VAV3: variants seen among roughly 807,000 people sequenced by gnomAD.
VAV3 encodes guanine nucleotide exchange factor VAV3.
VAV3 carries 94 observed loss-of-function variants against 131.2 expected under a neutral mutation model. The ratio of observed to expected loss-of-function variants is 0.72; its 90% CI spans 0.61 to 0.85. VAV3 has a LOEUF of 0.85. VAV3 is among the 40% of genes least tolerant of loss of function. The pLI, the probability that VAV3 is intolerant of heterozygous loss-of-function variation, is 0.00. For missense variants in VAV3, 939 were observed against 1,002.7 expected (o/e 0.94, Z 0.86); for synonymous variants, 349 against 342.0 (o/e 1.02, Z -0.22).
At chr1:107,609,222 A>G (rs1205411908) in intron 22 of VAV3, among the ~76,000 whole-genome samples, 1 of 152,242 alleles carries the variant, frequency 6.6e-6, no homozygotes. Context: ...TCATGACTAT[A>G]CTAAATCCTA....
Position 107,595,094 on chromosome 1 carries a change from T to C in VAV3, c.2350+1118A>G, listed in dbSNP as rs539107651. Among the ~76,000 whole-genome samples, 4 of 152,270 alleles carry C rather than the reference T, an allele frequency of 2.6e-5. No individual in the cohort carries two copies. The East Asian group carries it at 7.7e-4, about 29-fold the overall frequency. On this transcript the variant is annotated intron_variant, in intron 25 of 26. Coordinates refer to ENST00000370056, the MANE Select transcript of VAV3 (RefSeq NM_006113.5). The stretch of plus-strand genomic sequence containing the variant: ...ATGCCTATTTGAGAATCTAAAATAA[T>C]CAGGTAATCTTGGGCTAAAAAATAA...
chr1:107,839,401 CTG>C (rs1316420420), intron 2 of VAV3, among the ~76,000 whole-genome samples: 1 of 152,032 alleles, frequency 6.6e-6, no homozygotes, highest in Non-Finnish European at 1.5e-5. Context: ...GTCTAGATAT[CTG>C]TTAATTAAAG....
At chr1:107,788,290 AG>A (rs1272998898) in intron 2 of VAV3, among the ~76,000 whole-genome samples, 1 of 152,000 alleles carries the variant, frequency 6.6e-6, no homozygotes, top group Admixed American at 6.6e-5. Context: ...GCAGAGTGCC[AG>A]TTACTTAGCA....
At chr1:107,590,536 C>T (rs1650866688) in intron 25 of VAV3, among the ~76,000 whole-genome samples, 1 of 152,198 alleles carries the variant, frequency 6.6e-6, no homozygotes, top group Admixed American at 6.6e-5. Flanking sequence ...ATTCTACCTT[C>T]AATCCAGACC....
At chr1:107,928,635 G>C (rs1051043264) in intron 1 of VAV3, among the ~76,000 whole-genome samples, 1 of 152,198 alleles carries the variant, frequency 6.6e-6, no homozygotes, top group South Asian at 2.1e-4. Flanking sequence ...GAATGCAACA[G>C]TCTTTATCAG....
intron 2 of VAV3, among the ~76,000 whole-genome samples, chr1:107,860,561 G>A (rs79970591): frequency 0.016 from 2,372 of 151,620 alleles, 69 homozygotes; most frequent in African/African-American, 0.045. Flanking sequence ...CACTTGGTAT[G>A]ATGATAGTGT....
chr1:107,639,661 A>C (rs1655188408), intron 20 of VAV3, among the ~76,000 whole-genome samples: 1 of 152,136 alleles, frequency 6.6e-6, no homozygotes, highest in South Asian at 2.1e-4. Flanking sequence ...AGAATAAATA[A>C]AATTTAAAAG....
chr1:107,865,388 AGTGT>A (rs1481284111), intron 2 of VAV3, among the ~76,000 whole-genome samples: 2 of 152,166 alleles, frequency 1.3e-5, no homozygotes, highest in Non-Finnish European at 2.9e-5. Flanking sequence ...GATTTTAAGC[AGTGT>A]GTGTATGAGT....
At chr1:107,918,686 C>CATATATATAT (rs67156403) in intron 1 of VAV3, among the ~76,000 whole-genome samples, 5 of 134,330 alleles carry the variant, frequency 3.7e-5, no homozygotes, top group Non-Finnish European at 7.8e-5. Flanking sequence ...ATTTTTAAGG[C>CATATATATAT]ATATATATAT....
At chr1:107,700,938 T>C (rs751071712) in intron 17 of VAV3, among the ~76,000 whole-genome samples, 1 of 152,322 alleles carries the variant, frequency 6.6e-6, no homozygotes. Flanking sequence ...GCATTCCTAT[T>C]TCTCCACTGC....
rs777801888 is a variant in VAV3, at chr1:107,766,520, G to C, written c.748C>G (p.Gln250Glu). The change falls in exon 8 of 27, where the codon CAA becomes GAA. Residue 250 changes from glutamine (Q) to glutamate (E), a missense_variant. Transcript: ENST00000370056. ...ELVKLHRNLMQEIHDSIVNKN... is the reference protein window; with the variant it reads ...ELVKLHRNLMEEIHDSIVNKN... Reference sequence around the variant, plus strand: ...TTTACAATGGAATCATGAATCTCTTGCATTAGGTTCCGATGAAGTTTTACA... The same window carrying C: ...TTTACAATGGAATCATGAATCTCTTCCATTAGGTTCCGATGAAGTTTTACA... The C allele has an allele frequency of 2.4e-5, 38 of 1,613,412 alleles. 1 individual carries two copies. In the South Asian group the frequency reaches 3.4e-4, roughly 14 times the overall value.
rs531677951 is a variant in VAV3, at chr1:107,680,772, T to C, written c.1777+2716A>G. ...ACGTAAGGTAGGTCCTCTTATTCAT[T>C]TCCTTTTACAAATGAGGAAACTATG... On this transcript the variant is annotated intron_variant, in intron 19 of 26. Transcript: ENST00000370056. Among the ~76,000 whole-genome samples the C allele has an allele frequency of 8.5e-5, 13 of 152,276 alleles. No homozygotes were observed. The South Asian group carries it at 2.5e-3, about 29-fold the overall frequency.
chr1:107,596,113 C>T, intron 25 of VAV3, 99 bp downstream of exon 25: 1 of 1,481,226 alleles, frequency 6.8e-7, no homozygotes, highest in South Asian at 1.4e-5. Flanking sequence ...TTAGCGCATC[C>T]ATTGGTTATA....
Position 107,842,240 on chromosome 1 carries a change from A to G in VAV3, c.321+32661T>C, listed in dbSNP as rs150607357. Among the ~76,000 whole-genome samples, 1,291 of 152,272 alleles carry G rather than the reference A, an allele frequency of 8.5e-3. 13 individuals carry two copies. Among genetic ancestry groups the G allele is most frequent in the Middle Eastern group, 0.017 (5 of 294 alleles). On this transcript the variant is annotated intron_variant, in intron 2 of 26. Transcript: ENST00000370056. Reference sequence around the variant, plus strand: ...TTTAAACATTTAGTTCCCAAATTCTAAAATGAGTCCACTACCTTGGACATA... The same window carrying G: ...TTTAAACATTTAGTTCCCAAATTCTGAAATGAGTCCACTACCTTGGACATA...
chr1:107,772,782 C>T lies in VAV3; in HGVS notation c.508G>A (p.Gly170Arg), dbSNP rs745373808. 6.2e-7 allele frequency: 1 copy of T among 1,613,820 alleles called. No individual in the cohort carries two copies. Among genetic ancestry groups the T allele is most frequent in the South Asian group, 1.1e-5 (1 of 91,034 alleles). ...YDCVYGEDEG[G>R]EVYEDLMKAE... ...TTCATTAAGTCCTCATAGACTTCTC[C>T]ACCTTCATCTTCCCCATAAACACAG... Residue 170 changes from glycine to arginine, a missense_variant, in exon 5 of 27, where the codon GGA becomes AGA. Transcript: ENST00000370056.
Position 107,864,782 on chromosome 1 carries a change from C to T in VAV3, c.321+10119G>A, listed in dbSNP as rs149457422. Among the ~76,000 whole-genome samples the T allele has an allele frequency of 3.6e-3, 545 of 152,318 alleles. 1 individual carries two copies. Among genetic ancestry groups the T allele is most frequent in the Middle Eastern group, 0.017 (5 of 294 alleles). ...TTTCTTTCCTCAGTGGCACTTATCA[C>T]TGGTTGTAATTATCTTGTTTGTTTA... On this transcript the variant is annotated intron_variant, in intron 2 of 26. Transcript: ENST00000370056.
At chr1:107,740,112 C>A (rs1257749557) in intron 15 of VAV3, among the ~76,000 whole-genome samples, 3 of 152,146 alleles carry the variant, frequency 2.0e-5, no homozygotes, top group African/African-American at 4.8e-5. Flanking sequence ...CATGGCAAAA[C>A]CCTGTCTCTA....
chr1:107,700,887 C>G (rs765907191), intron 17 of VAV3, among the ~76,000 whole-genome samples: 1 of 152,170 alleles, frequency 6.6e-6, no homozygotes, highest in Non-Finnish European at 1.5e-5. Flanking sequence ...CTGTCTTCCA[C>G]AATGGATGAA....
At chr1:107,951,441 A>G (rs1674528948) in intron 1 of VAV3, among the ~76,000 whole-genome samples, 1 of 152,236 alleles carries the variant, frequency 6.6e-6, no homozygotes, top group Non-Finnish European at 1.5e-5. Context: ...AAATGTCTAT[A>G]GAGAGAAATA....
Sources: allele counts gnomAD v4.1 joint callset (sites outside exome capture counted in the v4.1 genomes callset), GRCh38; gene constraint gnomAD v4.1.1; transcripts MANE v1.5; gene names NCBI Gene and HGNC (gene_info 2026-07-23, HGNC 2026-07-21).